PRDX3: variants seen among roughly 807,000 people sequenced by gnomAD.
The protein encoded by PRDX3 is thioredoxin-dependent peroxide reductase, mitochondrial.
In PRDX3, 20 loss-of-function variants were observed where a neutral mutation model predicts 30.4. The ratio of observed to expected loss-of-function variants is 0.66; its 90% CI spans 0.46 to 0.96. PRDX3 has a LOEUF of 0.96. Among genes scored for constraint, PRDX3 ranks in the 40% least tolerant of loss-of-function variants. The pLI is 0.00. For synonymous variants in PRDX3, 124 were observed against 117.8 expected (o/e 1.05, Z -0.34); for missense variants, 322 against 318.3 (o/e 1.01, Z -0.09).
chr10:119,172,526 CACA>C, intron 4 of PRDX3, 41 bp from the exon 5 acceptor site: 2 of 1,526,784 alleles, frequency 1.3e-6, no homozygotes, highest in African/African-American at 2.7e-5. Flanking sequence ...TGTGTGGCCT[CACA>C]ACATTCTTGA....
chr10:119,169,123 G>T, intron 6 of PRDX3, 54 bp downstream of exon 6: 1 of 1,566,140 alleles, frequency 6.4e-7, no homozygotes, highest in African/African-American at 1.4e-5. Context: ...CAGGTCAATA[G>T]CTCTCGAGGC....
rs564109103 is a variant in PRDX3 at position 119,173,160 on chromosome 10, G to A, written c.447+577C>T. ...TCACCGTGTTAGCCAGGATGGTCTC[G>A]ATCTCCTGACTTTGTGATCCACCTG... is the stretch of plus-strand genomic sequence containing the variant. On this transcript the variant is annotated intron_variant, in intron 4 of 6. Transcript: ENST00000298510. 1.2e-4 allele frequency among the ~76,000 whole-genome samples: 19 copies of A among 152,072 alleles called. No individual in the cohort carries two copies. In the South Asian group the frequency reaches 2.9e-3, roughly 23 times the overall value.
chr10:119,176,462 T>C (rs1848030391), intron 2 of PRDX3, among the ~76,000 whole-genome samples: 1 of 152,142 alleles, frequency 6.6e-6, no homozygotes, highest in African/African-American at 2.4e-5. Context: ...GCTAGTCAAA[T>C]CTAGACAAGG....
Position 119,168,295 on chromosome 10 carries a change from A to T in PRDX3, c.*185T>A. 1 of 1,228,334 alleles carries T rather than the reference A, an allele frequency of 8.1e-7. No homozygotes were observed. Among genetic ancestry groups the T allele is most frequent in the Non-Finnish European group, 1.1e-6 (1 of 918,748 alleles). 76.1% of individuals were successfully genotyped at this position (1,228,334 alleles called of 1,614,324 possible). ...TTACCAATAAAGGATTCCTTGTACTAGCAACTAACCATGTTTAAAAGGTCT... is the reference window on the plus strand; with the variant it reads ...TTACCAATAAAGGATTCCTTGTACTTGCAACTAACCATGTTTAAAAGGTCT... On this transcript the variant is annotated 3_prime_UTR_variant, in exon 7 of 7. Coordinates refer to ENST00000298510, the MANE Select transcript of PRDX3 (RefSeq NM_006793.5).
chr10:119,169,883 T>C (rs1484297264), intron 5 of PRDX3: 2 of 152,822 alleles, frequency 1.3e-5, no homozygotes, highest in African/African-American at 2.4e-5. Flanking sequence ...TTTAATCATG[T>C]AGCAGCATGT....
Position 119,177,613 on chromosome 10 carries a change from C to T in PRDX3, c.37-460G>A, listed in dbSNP as rs35401146. On this transcript the variant is annotated intron_variant, in intron 1 of 6. Coordinates refer to ENST00000298510, the MANE Select transcript of PRDX3 (RefSeq NM_006793.5). Reference sequence around the variant, plus strand: ...GGCAGAGGTTGCAGAGCCGAGATCGCGCCATTGCACTCTAACCTGGGCGAC... The same window carrying T: ...GGCAGAGGTTGCAGAGCCGAGATCGTGCCATTGCACTCTAACCTGGGCGAC... Among the ~76,000 whole-genome samples the T allele has an allele frequency of 6.7e-3, 987 of 146,856 alleles. 15 individuals are homozygous for T. Among genetic ancestry groups the T allele is most frequent in the South Asian group, 0.027 (128 of 4,660 alleles).
intron 1 of PRDX3, 137 bp downstream of exon 1, chr10:119,178,618 T>C: frequency 1.8e-6 from 2 of 1,116,730 alleles, no homozygotes; most frequent in South Asian, 1.3e-5. Context: ...GAGGGAGGCC[T>C]CTGGGTCCGT....
In PRDX3 at chr10:119,168,150, T is replaced by C. The variant is rs897312713; in HGVS notation, c.*330A>G. 29 of 261,136 alleles carry C rather than the reference T, an allele frequency of 1.1e-4. No homozygotes were observed. The highest frequency in any genetic ancestry group is 5.5e-4 in the African/African-American group (24 of 43,686). 16.2% of individuals were successfully genotyped at this position (261,136 alleles called of 1,614,324 possible). On this transcript the variant is annotated 3_prime_UTR_variant, in exon 7 of 7. Transcript: ENST00000298510. ...CAATGTGTGTTGCTCTACTTTATTATAGGCAAGATTCAAGTAAGGCTAAGA... is the reference window on the plus strand; with the variant it reads ...CAATGTGTGTTGCTCTACTTTATTACAGGCAAGATTCAAGTAAGGCTAAGA...
In PRDX3 at chr10:119,169,252, G is replaced by A; in HGVS notation, c.642C>T (p.Arg214=). The change falls in exon 6 of 7, where the codon CGC becomes CGT. Residue 214 remains arginine, a synonymous_variant. Transcript: ENST00000298510. ...CTACATACTGGAACGCCTTCACCAA[G>A]CGGAGGGTTTCTTCCACGCTTCGGC... ...PVGRSVEETL[R]LVKAFQYVET... 1 of 1,613,802 alleles carries A rather than the reference G, an allele frequency of 6.2e-7. No homozygotes were observed. Among genetic ancestry groups the A allele is most frequent in the Non-Finnish European group, 8.5e-7 (1 of 1,180,028 alleles).
At chr10:119,171,133 C>T (rs182265359) in intron 5 of PRDX3, 14 of 151,924 alleles carry the variant, frequency 9.2e-5, no homozygotes, top group African/African-American at 3.4e-4. Context: ...CTCCACCTCC[C>T]AGGTTCACGC....
rs926921752 is a variant in PRDX3 at position 119,168,371 on chromosome 10, G to C, written c.*109C>G. ...TTTAGAGTAATACTTATGAATACAA[G>C]CATAATTGGTTCCTTGCCTTCTACA... is the stretch of plus-strand genomic sequence containing the variant. On this transcript the variant is annotated 3_prime_UTR_variant, in exon 7 of 7. Transcript: ENST00000298510. 5 of 1,557,862 alleles carry C rather than the reference G, an allele frequency of 3.2e-6. No homozygotes were observed. The highest frequency in any genetic ancestry group is 4.3e-6 in the Non-Finnish European group (5 of 1,158,492).
intron 3 of PRDX3, 132 bp downstream of exon 3, chr10:119,174,319 G>C (rs1052974358): frequency 3.4e-5 from 38 of 1,129,686 alleles, no homozygotes; most frequent in Admixed American, 2.0e-4. Flanking sequence ...AATCAACAAG[G>C]CCATCAGTGA....
rs1334822573 is a variant in PRDX3 at position 119,177,110 on chromosome 10, G to C, written c.80C>G (p.Thr27Ser). 1.2e-6 allele frequency: 2 copies of C among 1,613,586 alleles called. No individual in the cohort carries two copies. Among genetic ancestry groups the C allele is most frequent in the Non-Finnish European group, 1.7e-6 (2 of 1,179,824 alleles). The part of the protein sequence containing the change: ...VSAIPWGISA[T>S]AALRPAACGR... ...ACATGCAGCAGGCCTGAGGGCTGCA[G>C]TGGCAGAAATGCCCCAAGGAATGGC... The change falls in exon 2 of 7, where the codon ACT becomes AGT. Residue 27 changes from threonine (T) to serine (S), a missense_variant. Transcript: ENST00000298510.
At position 119,169,357 on chromosome 10, in the gene PRDX3, A is replaced by C; in HGVS notation, c.552-15T>G. 6.2e-7 allele frequency: 1 copy of C among 1,610,706 alleles called. No homozygotes were observed. The highest frequency in any genetic ancestry group is 8.5e-7 in the Non-Finnish European group (1 of 1,177,780). On this transcript the variant is annotated splice_polypyrimidine_tract_variant and intron_variant, in intron 5 of 6. Transcript: ENST00000298510. ...TGAAGAGACCTCTGCATGATCATTT[A>C]TCCTCATCAGTGCCTCAACAGTACC...
Position 119,168,282 on chromosome 10 carries a change from G to A in PRDX3, c.*198C>T, listed in dbSNP as rs1847813937. 1 of 1,119,480 alleles carries A rather than the reference G, an allele frequency of 8.9e-7. No individual in the cohort carries two copies. Among genetic ancestry groups the A allele is most frequent in the African/African-American group, 1.6e-5 (1 of 62,210 alleles). The allele number at this position is 1,119,480 out of a possible 1,614,324, so 69.3% of individuals were successfully genotyped here. A position where few individuals can be genotyped will look rare whatever the true frequency, so the allele number is the denominator to read the frequency against. ...AGCCACCAAGATGTTACCAATAAAG[G>A]ATTCCTTGTACTAGCAACTAACCAT... On this transcript the variant is annotated 3_prime_UTR_variant, in exon 7 of 7. Coordinates refer to ENST00000298510, the MANE Select transcript of PRDX3 (RefSeq NM_006793.5).
chr10:119,168,840 T>C (rs543462002), intron 6 of PRDX3, among the ~76,000 whole-genome samples: 1 of 151,876 alleles, frequency 6.6e-6, no homozygotes, highest in East Asian at 1.9e-4. Context: ...GCCGTGGTGG[T>C]GGGCGCCCTG....
chr10:119,177,648 T>G (rs1330782916), intron 1 of PRDX3, among the ~76,000 whole-genome samples: 1 of 81,010 alleles, frequency 1.2e-5, no homozygotes, highest in Non-Finnish European at 2.2e-5. Context: ...CAACTCCGTC[T>G]CAAAAAAAAA....
At chr10:119,172,600 G>A (rs35631594) in intron 4 of PRDX3, 115 bp from the exon 5 acceptor site, 14 of 871,020 alleles carry the variant, frequency 1.6e-5, no homozygotes, top group Middle Eastern at 2.2e-4. Flanking sequence ...ATTCAACAAC[G>A]GGCCAAGCAC....
Position 119,171,966 on chromosome 10 carries a change from A to G in PRDX3, c.551+416T>C, listed in dbSNP as rs1196914080. Among the ~76,000 whole-genome samples the G allele has an allele frequency of 2.0e-5, 3 of 152,282 alleles. No homozygotes were observed. The East Asian group carries it at 5.8e-4, about 29-fold the overall frequency. Reference sequence around the variant, plus strand: ...AGTGGCTCCCACATAGTTAGGGAGTATGGAGCAGTGTGGCCTCAAGACGCA... The same window carrying G: ...AGTGGCTCCCACATAGTTAGGGAGTGTGGAGCAGTGTGGCCTCAAGACGCA... On this transcript the variant is annotated intron_variant, in intron 5 of 6. Coordinates refer to ENST00000298510, the MANE Select transcript of PRDX3 (RefSeq NM_006793.5).
Sources: allele counts gnomAD v4.1 joint callset (sites outside exome capture counted in the v4.1 genomes callset), GRCh38; gene constraint gnomAD v4.1.1; transcripts MANE v1.5; gene names NCBI Gene and HGNC (gene_info 2026-07-23, HGNC 2026-07-21).